Variants in TMEM114 observed in about 807,000 individuals in gnomAD.
The protein encoded by TMEM114 is transmembrane protein 114.
TMEM114 carries 6 observed loss-of-function variants against 6.2 expected under a neutral mutation model. The ratio of observed to expected loss-of-function variants is 0.97; its 90% CI spans 0.53 to 1.91. The LOEUF is 1.91. TMEM114 is among the 40% of genes most tolerant of loss of function. TMEM114 has a pLI of 0.01. For missense variants in TMEM114, 218 were observed against 158.3 expected, an observed-to-expected ratio of 1.38 and a Z score of -2.02; for synonymous variants, 104 against 73.0, an observed-to-expected ratio of 1.42 and a Z score of -2.16.
At chr16:8,527,161 C>G in the TMEM114 span, among the ~76,000 whole-genome samples, 85,588 of 152,054 alleles carry the variant, frequency 0.56, 24,201 homozygotes, top group South Asian at 0.63. Context: ...GAGCCAAGAT[C>G]ATGCCACTGC....
At chr16:8,526,952 A>T in the TMEM114 span, among the ~76,000 whole-genome samples, 1 of 152,236 alleles carries the variant, frequency 6.6e-6, no homozygotes, top group Non-Finnish European at 1.5e-5. Context: ...TCGTGCCTGT[A>T]ATCCCAGCAC....
intron 2 of TMEM114, among the ~76,000 whole-genome samples, chr16:8,560,715 G>C (rs1340612175): frequency 6.6e-6 from 1 of 152,158 alleles, no homozygotes; most frequent in Admixed American, 6.5e-5. Context: ...ATGAGAACAT[G>C]CTTGGCAAGT....
intron 2 of TMEM114, among the ~76,000 whole-genome samples, chr16:8,554,374 T>C (rs1900941545): frequency 6.6e-6 from 1 of 151,916 alleles, no homozygotes; most frequent in Non-Finnish European, 1.5e-5. Context: ...TGATCTATGA[T>C]TGCACCAAAC....
chr16:8,551,259 C>T (rs1027711950), intron 2 of TMEM114, among the ~76,000 whole-genome samples: 58 of 152,052 alleles, frequency 3.8e-4, no homozygotes, highest in Non-Finnish European at 1.8e-4. Flanking sequence ...GCAAGTTTCA[C>T]GCTCCTGGAA....
intron 2 of TMEM114, among the ~76,000 whole-genome samples, chr16:8,551,838 C>T (rs753201451): frequency 1.3e-5 from 2 of 152,142 alleles, no homozygotes; most frequent in African/African-American, 2.4e-5. Flanking sequence ...TGAGAGCCAC[C>T]CAAATGTCCT....
At chr16:8,536,234 A>G (rs1431753244), downstream of TMEM114, among the ~76,000 whole-genome samples, 3 of 152,080 alleles carry the variant, frequency 2.0e-5, no homozygotes, top group African/African-American at 7.2e-5. Flanking sequence ...CAAAAAAAAA[A>G]AAAAAATGTA....
Position 8,538,050 on chromosome 16 carries a change from G to A in TMEM114, n.213-224C>T, listed in dbSNP as rs114101731. Among the ~76,000 whole-genome samples, 385 of 138,174 alleles carry A rather than the reference G, an allele frequency of 2.8e-3. 2 individuals are homozygous for A. The highest frequency in any genetic ancestry group is 0.01 in the African/African-American group (371 of 36,334). The allele number at this position is 138,174 out of a possible 152,430, so 90.6% of individuals were successfully genotyped here. On this transcript the variant is annotated intron_variant and non_coding_transcript_variant, in intron 2 of 2. Coordinates refer to the TMEM114 transcript ENST00000623677. ...GCCGTGACTTACACCTGTAATCCTG[G>A]CACTTTGTGAGGCCAGGGCAGGTAG...
chr16:8,555,103 G>A (rs1900965627), intron 2 of TMEM114, among the ~76,000 whole-genome samples: 1 of 152,168 alleles, frequency 6.6e-6, no homozygotes, highest in East Asian at 1.9e-4. Context: ...GGTTTTCTCT[G>A]GTTTTGCCCA....
downstream of TMEM114, among the ~76,000 whole-genome samples, chr16:8,536,655 T>A (rs1189747181): frequency 1.3e-5 from 2 of 152,196 alleles, no homozygotes; most frequent in African/African-American, 4.8e-5. Flanking sequence ...TTTCTTTTTT[T>A]ATTTTGGTTT....
intron 2 of TMEM114, among the ~76,000 whole-genome samples, chr16:8,552,704 AG>A (rs1278663178): frequency 4.7e-5 from 7 of 148,858 alleles, no homozygotes; most frequent in African/African-American, 1.8e-4. Flanking sequence ...CAAAATAAAT[AG>A]GAAAAAAAAA....
chr16:8,577,564 C>T lies in TMEM114; in HGVS notation c.302-5340G>A, dbSNP rs551709863. ...CCTGATTGGCAATGTTTTCTTTTTTCTTTTTTGATTTTGTTTTTTGTTTTT... is the reference window on the plus strand; with the variant it reads ...CCTGATTGGCAATGTTTTCTTTTTTTTTTTTTGATTTTGTTTTTTGTTTTT... On this transcript the variant is annotated intron_variant, in intron 2 of 3. Coordinates refer to ENST00000620492, the MANE Select transcript of TMEM114 (RefSeq NM_001146336.2). Among the ~76,000 whole-genome samples, 110 of 151,660 alleles carry T rather than the reference C, an allele frequency of 7.3e-4. No individual in the cohort carries two copies. The Middle Eastern group carries it at 0.014, about 19-fold the overall frequency.
downstream of TMEM114, among the ~76,000 whole-genome samples, chr16:8,566,780 C>G (rs1260085571): frequency 6.6e-6 from 1 of 152,152 alleles, no homozygotes; most frequent in Non-Finnish European, 1.5e-5. Flanking sequence ...TGCAGTTTCC[C>G]TACCTACAGG....
intron 2 of TMEM114, among the ~76,000 whole-genome samples, chr16:8,553,416 G>C (rs1900906567): frequency 6.6e-6 from 1 of 152,104 alleles, no homozygotes; most frequent in African/African-American, 2.4e-5. Context: ...TTTTTTGGGG[G>C]GACTGAGTCT....
chr16:8,554,997 G>C (rs1340161733), intron 2 of TMEM114, among the ~76,000 whole-genome samples: 1 of 152,214 alleles, frequency 6.6e-6, no homozygotes, highest in African/African-American at 2.4e-5. Context: ...ATGGCTGGAA[G>C]TCAGAAGGTG....
intron 2 of TMEM114, among the ~76,000 whole-genome samples, chr16:8,552,140 T>C (rs1373869477): frequency 6.6e-6 from 1 of 150,946 alleles, no homozygotes; most frequent in East Asian, 1.9e-4. Flanking sequence ...TTTGGGAGGC[T>C]GAAGCAAGAG....
downstream of TMEM114, among the ~76,000 whole-genome samples, chr16:8,533,710 A>T (rs1900280855): frequency 6.6e-6 from 1 of 152,204 alleles, no homozygotes; most frequent in African/African-American, 2.4e-5. Flanking sequence ...TGTCCCATGA[A>T]CTATTGACTT....
chr16:8,557,389 G>T (rs1901048642), intron 2 of TMEM114, among the ~76,000 whole-genome samples: 1 of 152,074 alleles, frequency 6.6e-6, no homozygotes, highest in South Asian at 2.1e-4. Context: ...ATATGGAAAG[G>T]CCCCGAGATG....
intron 2 of TMEM114, among the ~76,000 whole-genome samples, chr16:8,579,103 C>T (rs1311497169): frequency 6.6e-6 from 1 of 152,072 alleles, no homozygotes; most frequent in African/African-American, 2.4e-5. Flanking sequence ...AAAAGCAACC[C>T]CAGAAAGAAG....
chr16:8,558,362 A>G (rs1355517779), intron 2 of TMEM114, among the ~76,000 whole-genome samples: 3 of 152,288 alleles, frequency 2.0e-5, no homozygotes, highest in South Asian at 2.1e-4. Flanking sequence ...TGGTGGCTCC[A>G]GGTGCATCTT....
Sources: allele counts gnomAD v4.1 joint callset (sites outside exome capture counted in the v4.1 genomes callset), GRCh38; gene constraint gnomAD v4.1.1; transcripts MANE v1.5; gene names NCBI Gene and HGNC (gene_info 2026-07-23, HGNC 2026-07-21).